GOLGA1: variants seen among roughly 807,000 people sequenced by gnomAD.
GOLGA1 encodes the protein golgin A1.
GOLGA1 carries 63 observed loss-of-function variants against 119.7 expected under a neutral mutation model. That is an observed-to-expected ratio of 0.53 (90% CI 0.43 to 0.65). The LOEUF is 0.65. GOLGA1 is among the 30% of genes least tolerant of loss of function. GOLGA1 has a pLI of 0.00. For synonymous variants in GOLGA1, 318 were observed against 333.4 expected, an observed-to-expected ratio of 0.95 and a Z score of 0.50; for missense variants, 798 against 912.8, an observed-to-expected ratio of 0.87 and a Z score of 1.62.
intron 19 of GOLGA1, among the ~76,000 whole-genome samples, chr9:124,886,519 G>A (rs1323282669): frequency 6.6e-6 from 1 of 152,168 alleles, no homozygotes; most frequent in Non-Finnish European, 1.5e-5. Context: ...GAAAGGTTGA[G>A]AGAGAAGAGG....
At chr9:124,914,639 G>A (rs74759033) in intron 10 of GOLGA1, among the ~76,000 whole-genome samples, 7,445 of 152,282 alleles carry the variant, frequency 0.049, 423 homozygotes, top group Admixed American at 0.15. Flanking sequence ...TCAAGGGAAC[G>A]CTGCAAGCAC....
intron 12 of GOLGA1, among the ~76,000 whole-genome samples, chr9:124,903,847 G>A (rs1384820017): frequency 6.6e-6 from 1 of 152,024 alleles, no homozygotes; most frequent in Non-Finnish European, 1.5e-5. Flanking sequence ...TCAGGAGATT[G>A]AGACCATCTT....
chr9:124,931,157 T>G (rs976826644), intron 4 of GOLGA1, among the ~76,000 whole-genome samples, 159 bp downstream of exon 4: 5 of 152,206 alleles, frequency 3.3e-5, no homozygotes, highest in Admixed American at 6.5e-5. Flanking sequence ...TACTATTTAC[T>G]ACACTAACAA....
intron 3 of GOLGA1, among the ~76,000 whole-genome samples, chr9:124,935,068 T>C (rs1464503999): frequency 6.6e-6 from 1 of 152,040 alleles, no homozygotes; most frequent in African/African-American, 2.4e-5. Flanking sequence ...AAAGGTCACT[T>C]TGGGGACAGG....
intron 10 of GOLGA1, among the ~76,000 whole-genome samples, chr9:124,913,298 G>A (rs1830375245): frequency 6.6e-6 from 1 of 152,170 alleles, no homozygotes; most frequent in African/African-American, 2.4e-5. Context: ...ACTGCTCAAT[G>A]TCAAAGCAGA....
chr9:124,933,599 GA>G (rs1298242110), intron 3 of GOLGA1, among the ~76,000 whole-genome samples: 1 of 152,082 alleles, frequency 6.6e-6, no homozygotes, highest in African/African-American at 2.4e-5. Flanking sequence ...ATTTTTAGTA[GA>G]GACAGGGTTT....
intron 10 of GOLGA1, among the ~76,000 whole-genome samples, chr9:124,920,465 C>A (rs371136729): frequency 1.3e-5 from 2 of 151,952 alleles, no homozygotes; most frequent in Non-Finnish European, 2.9e-5. Context: ...TGTAGCACAG[C>A]CCTAATGTAG....
chr9:124,915,256 C>T (rs1830417067), intron 10 of GOLGA1, among the ~76,000 whole-genome samples: 1 of 152,146 alleles, frequency 6.6e-6, no homozygotes, highest in South Asian at 2.1e-4. Flanking sequence ...ATGTCAGATG[C>T]CCATTACTAT....
chr9:124,889,979 T>A (rs1310280150), intron 16 of GOLGA1, among the ~76,000 whole-genome samples: 1 of 152,164 alleles, frequency 6.6e-6, no homozygotes, highest in East Asian at 1.9e-4. Flanking sequence ...TAAAGCCACT[T>A]AACTAGAAGC....
At chr9:124,894,571 C>G (rs1040164165) in intron 15 of GOLGA1, among the ~76,000 whole-genome samples, 19 of 152,148 alleles carry the variant, frequency 1.2e-4, no homozygotes, top group Admixed American at 1.2e-3. Flanking sequence ...ATTTTCCAGA[C>G]TTGTCAGCCT....
At chr9:124,908,838 C>T (rs571939573) in intron 11 of GOLGA1, among the ~76,000 whole-genome samples, 25 of 152,326 alleles carry the variant, frequency 1.6e-4, no homozygotes, top group Non-Finnish European at 2.6e-4. Flanking sequence ...GGATGACCAA[C>T]GGCTATGTGA....
At chr9:124,921,051 C>A in intron 10 of GOLGA1, 78 bp downstream of exon 10, 1 of 886,192 alleles carries the variant, frequency 1.1e-6, no homozygotes, top group Non-Finnish European at 1.9e-6. Context: ...TCAGTAGCTA[C>A]TCTCAGGCAG....
At chr9:124,940,935 G>A (rs1564348971) in intron 1 of GOLGA1, 36 bp downstream of exon 1, 2 of 152,306 alleles carry the variant, frequency 1.3e-5, no homozygotes, top group Admixed American at 6.5e-5. Flanking sequence ...GAGAATAAGG[G>A]GCCTGCTCGC....
At chr9:124,902,124 A>T (rs1830119544) in intron 12 of GOLGA1, among the ~76,000 whole-genome samples, 1 of 151,826 alleles carries the variant, frequency 6.6e-6, no homozygotes, top group African/African-American at 2.4e-5. Context: ...TATTATTATT[A>T]TTTTTGAGAT....
At chr9:124,948,028 C>G (rs774533124), upstream of GOLGA1, 3 of 152,204 alleles carry the variant, frequency 2.0e-5, no homozygotes, top group Non-Finnish European at 2.9e-5. Flanking sequence ...CAGAAAGTTA[C>G]TATATCACAC....
In GOLGA1 at chr9:124,888,020, T is replaced by A. The variant is rs1324823913; in HGVS notation, c.1905+233A>T. Among the ~76,000 whole-genome samples, 1 of 152,052 alleles carries A rather than the reference T, an allele frequency of 6.6e-6. No homozygotes were observed. On this transcript the variant is annotated intron_variant, in intron 19 of 22. Transcript: ENST00000373555. The surrounding 1 kb of genome is among the most constrained non-coding windows in gnomAD (Gnocchi z 4.4). ...ATGCAGGCTTGCAGCTGCCCAAGCC[T>A]GACACTTGTCCAGTTCTCCAGGGGG...
chr9:124,929,342 G>A lies in GOLGA1; in HGVS notation c.227-52C>T, dbSNP rs777716351. ...CCAGAAATGGACAAACATCAGGAAA[G>A]GAAGTTAATTAAACAAAAAAATGAA... On this transcript the variant is annotated intron_variant, in intron 4 of 22. Coordinates refer to ENST00000373555, the MANE Select transcript of GOLGA1 (RefSeq NM_002077.4). The A allele has an allele frequency of 1.8e-5, 20 of 1,106,552 alleles. No individual in the cohort carries two copies. In the Admixed American group the frequency reaches 3.6e-4, roughly 20 times the overall value. The allele number at this position is 1,106,552 out of a possible 1,614,324, so 68.5% of individuals were successfully genotyped here. A position where few individuals can be genotyped will look rare whatever the true frequency, so the allele number is the denominator to read the frequency against.
rs761067817 is a variant in GOLGA1, at chr9:124,882,498, G to C, written c.1965+12C>G. 1 of 1,602,492 alleles carries C rather than the reference G, an allele frequency of 6.2e-7. No individual in the cohort carries two copies. Among genetic ancestry groups the C allele is most frequent in the Non-Finnish European group, 8.5e-7 (1 of 1,170,958 alleles). On this transcript the variant is annotated intron_variant, in intron 20 of 22. Coordinates refer to ENST00000373555, the MANE Select transcript of GOLGA1 (RefSeq NM_002077.4). ...GCTGGGAAGTGGGGCCAGCTCCCAT[G>C]CGAGTACTCACCAGCTCCTTCTGCA...
chr9:124,921,816 T>A lies in GOLGA1; in HGVS notation c.638A>T (p.Gln213Leu), dbSNP rs1450131475. 1.2e-6 allele frequency: 2 copies of A among 1,612,000 alleles called. No individual in the cohort carries two copies. The highest frequency in any genetic ancestry group is 4.5e-5 in the East Asian group (2 of 44,876). The change falls in exon 9 of 23, where the codon CAG (glutamine) becomes CTG (leucine). Residue 213 changes from glutamine (Q) to leucine (L), a missense_variant. Coordinates refer to ENST00000373555, the MANE Select transcript of GOLGA1 (RefSeq NM_002077.4). ...EARTRELSRTQEELMNSNQMS... is the reference protein window; with the variant it reads ...EARTRELSRTLEELMNSNQMS... ...CTGATTGGAGTTCATCAACTCCTCC[T>A]GGGTACGACTAAGTTCTCTGGTTCG... is the stretch of plus-strand genomic sequence containing the variant.
Sources: gnomAD v4.1 joint callset for allele counts (sites outside exome capture counted in the v4.1 genomes callset) on GRCh38, gnomAD v4.1.1 for gene constraint, Gnocchi (gnomAD v3.1) non-coding constraint, MANE v1.5 for transcripts, NCBI Gene and HGNC (gene_info 2026-07-23, HGNC 2026-07-21) for gene names.